Variants in GPC5 observed in about 807,000 individuals in gnomAD.
GPC5 encodes the protein glypican-5.
Under a neutral mutation model 53.9 loss-of-function variants are expected in GPC5, and 47 were observed. The ratio of observed to expected loss-of-function variants is 0.87; its 90% confidence interval spans 0.69 to 1.11. GPC5 has a LOEUF of 1.11. Ranked by LOEUF, GPC5 falls within the 50% of genes most tolerant of loss-of-function variation. The probability of loss-of-function intolerance (pLI) is 0.00; values close to 1 mark genes in which losing one functional copy is unlikely to be tolerated. For synonymous variants in GPC5, 286 were observed against 263.3 expected (o/e 1.09, Z -0.84); for missense variants, 748 against 713.1 (o/e 1.05, Z -0.56).
Position 92,032,360 on chromosome 13 carries a change from C to A in GPC5, c.1402-112470C>A, listed in dbSNP as rs148650020. Among the ~76,000 whole-genome samples, 672 of 150,958 alleles carry A rather than the reference C, an allele frequency of 4.5e-3. 8 individuals are homozygous for A. The highest frequency in any genetic ancestry group is 0.015 in the African/African-American group (628 of 41,178). Reference sequence around the variant, plus strand: ...GTGTACTGCTTGGGTGATGGATGCACCAAAATCTTAGAAATCACCACTAAA... The same window carrying A: ...GTGTACTGCTTGGGTGATGGATGCAACAAAATCTTAGAAATCACCACTAAA... On this transcript the variant is annotated intron_variant, in intron 6 of 7. Transcript: ENST00000377067.
rs1244473411 is a variant in GPC5, at chr13:92,031,760, C to T, written c.1402-113070C>T. ...ATTATATATAATATATATTATATTA[C>T]ATATTATATATAATATATAATATAT... is the stretch of plus-strand genomic sequence containing the variant. On this transcript the variant is annotated intron_variant, in intron 6 of 7. Transcript: ENST00000377067. Among the ~76,000 whole-genome samples the T allele has an allele frequency of 6.5e-3, 221 of 33,930 alleles. 16 individuals are homozygous for T. Among genetic ancestry groups the T allele is most frequent in the African/African-American group, 0.013 (86 of 6,504 alleles). The allele number at this position is 33,930 out of a possible 152,430, so 22.3% of individuals were successfully genotyped here.
At chr13:92,073,495 T>C (rs2041229233) in intron 6 of GPC5, among the ~76,000 whole-genome samples, 1 of 152,238 alleles carries the variant, frequency 6.6e-6, no homozygotes, top group Admixed American at 6.5e-5. Context: ...TATTGGACTT[T>C]CTATGTCATA....
intron 7 of GPC5, among the ~76,000 whole-genome samples, chr13:92,758,280 A>G (rs1015191788): frequency 1.4e-5 from 2 of 147,000 alleles, no homozygotes; most frequent in African/African-American, 5.0e-5. Context: ...GGAATTGAAC[A>G]ATGAGATCAC....
At chr13:92,455,028 A>G (rs1878204981) in intron 7 of GPC5, among the ~76,000 whole-genome samples, 1 of 152,152 alleles carries the variant, frequency 6.6e-6, no homozygotes, top group Admixed American at 6.5e-5. Context: ...TAATTTACAC[A>G]TGCTATATGT....
intron 1 of GPC5, among the ~76,000 whole-genome samples, chr13:91,432,233 G>C (rs1879542058): frequency 6.6e-6 from 1 of 151,270 alleles, no homozygotes; most frequent in South Asian, 2.1e-4. Context: ...GTGTGTGTGT[G>C]TGTGTGTGTG....
At chr13:92,380,621 C>A (rs1352723472) in intron 7 of GPC5, among the ~76,000 whole-genome samples, 1 of 151,996 alleles carries the variant, frequency 6.6e-6, no homozygotes, top group East Asian at 1.9e-4. Context: ...ATGATGAGTT[C>A]ATGTCCTTTG....
chr13:92,436,614 C>A (rs1444349285), intron 7 of GPC5, among the ~76,000 whole-genome samples: 1 of 151,948 alleles, frequency 6.6e-6, no homozygotes, highest in Non-Finnish European at 1.5e-5. Flanking sequence ...ATAGTTTGCT[C>A]TCCTGTAAGC....
At chr13:92,324,489 C>T (rs2043236967) in intron 7 of GPC5, among the ~76,000 whole-genome samples, 1 of 151,808 alleles carries the variant, frequency 6.6e-6, no homozygotes, top group Non-Finnish European at 1.5e-5. Context: ...AGAGAAAAAT[C>T]CCCATACTTG....
At chr13:92,564,881 A>G (rs1417802432) in intron 7 of GPC5, among the ~76,000 whole-genome samples, 1 of 152,118 alleles carries the variant, frequency 6.6e-6, no homozygotes, top group African/African-American at 2.4e-5. Flanking sequence ...AAATCCAAAT[A>G]AAAGATGTTA....
chr13:92,066,672 A>G (rs1277040290), intron 6 of GPC5, among the ~76,000 whole-genome samples: 1 of 152,114 alleles, frequency 6.6e-6, no homozygotes, highest in East Asian at 1.9e-4. Context: ...TTTTACTGAG[A>G]AAATTGCAGA....
intron 6 of GPC5, among the ~76,000 whole-genome samples, chr13:91,978,602 C>A (rs2040329177): frequency 6.6e-6 from 1 of 152,166 alleles, no homozygotes; most frequent in Admixed American, 6.5e-5. Flanking sequence ...ATGAGACACA[C>A]AGGAAGACAT....
At chr13:92,007,551 G>A (rs1412243307) in intron 6 of GPC5, among the ~76,000 whole-genome samples, 2 of 151,996 alleles carry the variant, frequency 1.3e-5, no homozygotes, top group African/African-American at 2.4e-5. Context: ...CTTATGATTC[G>A]TTTGTCACCA....
intron 5 of GPC5, among the ~76,000 whole-genome samples, chr13:91,799,788 G>T (rs1329433658): frequency 6.6e-6 from 1 of 152,102 alleles, no homozygotes; most frequent in African/African-American, 2.4e-5. Flanking sequence ...TAACATGATT[G>T]CAGTTTGAGA....
intron 7 of GPC5, among the ~76,000 whole-genome samples, chr13:92,731,744 C>T (rs190044356): frequency 4.6e-5 from 7 of 151,388 alleles, no homozygotes; most frequent in Non-Finnish European, 1.0e-4. Flanking sequence ...TTTAACCTCA[C>T]AGAAATTAGA....
chr13:91,464,861 A>G (rs1207368716), intron 2 of GPC5, among the ~76,000 whole-genome samples: 1 of 152,118 alleles, frequency 6.6e-6, no homozygotes, highest in African/African-American at 2.4e-5. Context: ...TAAGCTCTGT[A>G]GATTCTACCA....
At chr13:92,541,154 T>G (rs1459985853) in intron 7 of GPC5, among the ~76,000 whole-genome samples, 1 of 151,800 alleles carries the variant, frequency 6.6e-6, no homozygotes, top group African/African-American at 2.4e-5. Flanking sequence ...ATAGAAAAAA[T>G]GTAAAAAATC....
intron 2 of GPC5, among the ~76,000 whole-genome samples, chr13:91,539,957 A>T (rs780555814): frequency 5.3e-5 from 8 of 152,190 alleles, no homozygotes; most frequent in Non-Finnish European, 1.0e-4. Flanking sequence ...CGGAAATAAG[A>T]CATTCCTTTC....
chr13:91,405,598 C>T (rs1342115500), intron 1 of GPC5, among the ~76,000 whole-genome samples: 1 of 152,118 alleles, frequency 6.6e-6, no homozygotes, highest in African/African-American at 2.4e-5. Flanking sequence ...CACGGCGCCA[C>T]GTTCCTTTTC....
rs1594034475 is a variant in GPC5 at position 91,398,939 on chromosome 13, G to C, written c.-108G>C. 6 of 1,402,496 alleles carry C rather than the reference G, an allele frequency of 4.3e-6. No homozygotes were observed. In the East Asian group the frequency reaches 1.5e-4, roughly 36 times the overall value. 86.9% of individuals were successfully genotyped at this position (1,402,496 alleles called of 1,614,324 possible). A position where few individuals can be genotyped will look rare whatever the true frequency, so the allele number is the denominator to read the frequency against. ...GGTCCGTACACCCCGCAGCCGGCTC[G>C]CACCGCTCGAGAGCCTCGGCCGCTG... On this transcript the variant is annotated 5_prime_UTR_variant, in exon 1 of 8. Transcript: ENST00000377067.
Sources: allele counts gnomAD v4.1 joint callset (sites outside exome capture counted in the v4.1 genomes callset), GRCh38; gene constraint gnomAD v4.1.1; transcripts MANE v1.5; gene names NCBI Gene and HGNC (gene_info 2026-07-23, HGNC 2026-07-21).